The following ZC2HC1B variants were observed in gnomAD, a reference collection of about 807,000 sequenced individuals.
ZC2HC1B encodes zinc finger C2HC domain-containing protein 1B.
Under a neutral mutation model 31.0 loss-of-function variants are expected in ZC2HC1B, and 36 were observed. That is an observed-to-expected ratio of 1.16 (90% confidence interval 0.89 to 1.54). The LOEUF (loss-of-function observed/expected upper bound fraction) is 1.54, where lower values mean the gene tolerates loss of function less well. Ranked by LOEUF, ZC2HC1B falls within the 40% of genes most tolerant of loss-of-function variation. The probability of loss-of-function intolerance (pLI) is 0.00; values close to 1 mark genes in which losing one functional copy is unlikely to be tolerated. For missense variants in ZC2HC1B, 260 were observed against 268.6 expected (o/e 0.97, Z 0.22); for synonymous variants, 73 against 88.0 (o/e 0.83, Z 0.95).
At chr6:143,877,233 C>A (rs1211895634) in intron 1 of ZC2HC1B, among the ~76,000 whole-genome samples, 1 of 139,634 alleles carries the variant, frequency 7.2e-6, no homozygotes, top group Non-Finnish European at 1.5e-5. Context: ...TATCTTTCAA[C>A]TCTCTGTTGA....
intron 5 of ZC2HC1B, among the ~76,000 whole-genome samples, chr6:143,902,580 C>T (rs909759222): frequency 6.6e-6 from 1 of 152,074 alleles, no homozygotes; most frequent in Admixed American, 6.5e-5. Context: ...TGCTGCTCTG[C>T]AGGGAGGGGG....
At position 143,883,521 on chromosome 6, in the gene ZC2HC1B, G is replaced by T. The variant is rs1777494457; in HGVS notation, c.29-783G>T. ...ATGACTGGTCTAATATAAAGTCTATGCTCAGACCTCAAACTGCTTTTTTTA... is the reference window on the plus strand; with the variant it reads ...ATGACTGGTCTAATATAAAGTCTATTCTCAGACCTCAAACTGCTTTTTTTA... On this transcript the variant is annotated intron_variant, in intron 1 of 7. Transcript: ENST00000237275. This position sits in a 1 kb window ranked among gnomAD's most constrained non-coding sequence, Gnocchi z 4.1. Among the ~76,000 whole-genome samples the T allele has an allele frequency of 6.6e-6, 1 of 151,912 alleles. No homozygotes were observed. The highest frequency in any genetic ancestry group is 2.4e-5 in the African/African-American group (1 of 41,218).
In ZC2HC1B at chr6:143,934,133, G is replaced by C. The variant is rs573959849; in HGVS notation, c.599-3516G>C. The stretch of plus-strand genomic sequence containing the variant: ...TTCTCCCGTAATCTGGATTTTTCAG[G>C]TTCCTCAGTGGGGACGTGTGCTTGG... On this transcript the variant is annotated intron_variant, in intron 6 of 7. Coordinates refer to ENST00000237275, the MANE Select transcript of ZC2HC1B (RefSeq NM_001013623.3). This position sits in a 1 kb window ranked among gnomAD's most constrained non-coding sequence, Gnocchi z 4.6. Among the ~76,000 whole-genome samples the C allele has an allele frequency of 6.6e-6, 1 of 152,312 alleles. No individual in the cohort carries two copies. Among genetic ancestry groups the C allele is most frequent in the South Asian group, 2.1e-4 (1 of 4,826 alleles).
In ZC2HC1B at chr6:143,895,156, T is replaced by C. The variant is rs577279465; in HGVS notation, c.350-3396T>C. Among the ~76,000 whole-genome samples the C allele has an allele frequency of 2.6e-5, 4 of 152,120 alleles. No homozygotes were observed. Among genetic ancestry groups the C allele is most frequent in the Non-Finnish European group, 5.9e-5 (4 of 68,024 alleles). ...GCTTAAGTTCTAGAGAATTTATTTG[T>C]TTTTTGTTGTTGTTGTTGTTTTTGA... On this transcript the variant is annotated intron_variant, in intron 4 of 7. Transcript: ENST00000237275. This position sits in a 1 kb window ranked among gnomAD's most constrained non-coding sequence, Gnocchi z 4.8.
At position 143,870,692 on chromosome 6, in the gene ZC2HC1B, G is replaced by T. The variant is rs1777326295; in HGVS notation, c.28+6125G>T. Among the ~76,000 whole-genome samples the T allele has an allele frequency of 6.6e-6, 1 of 152,190 alleles. No individual in the cohort carries two copies. Among genetic ancestry groups the T allele is most frequent in the Non-Finnish European group, 1.5e-5 (1 of 68,036 alleles). On this transcript the variant is annotated intron_variant, in intron 1 of 7. Transcript: ENST00000237275. This position sits in a 1 kb window ranked among gnomAD's most constrained non-coding sequence, Gnocchi z 4.7. ...AAAGCCCAGTAACAGGCCAAGAGCT[G>T]TCTCTCAAAAGAAGAGTAATTATCT...
At position 143,883,064 on chromosome 6, in the gene ZC2HC1B, G is replaced by C. The variant is rs1237452871; in HGVS notation, c.29-1240G>C. Among the ~76,000 whole-genome samples the C allele has an allele frequency of 6.6e-6, 1 of 152,148 alleles. No individual in the cohort carries two copies. The highest frequency in any genetic ancestry group is 1.5e-5 in the Non-Finnish European group (1 of 68,030). ...TTTTTGTGTGTAAGTGGGGGAGACA[G>C]GATCTTGCTCTGTCTCCCAGGCTGG... On this transcript the variant is annotated intron_variant, in intron 1 of 7. Coordinates refer to ENST00000237275, the MANE Select transcript of ZC2HC1B (RefSeq NM_001013623.3). This position sits in a 1 kb window ranked among gnomAD's most constrained non-coding sequence, Gnocchi z 4.1.
rs533351153 is a variant in ZC2HC1B at position 143,883,742 on chromosome 6, C to T, written c.29-562C>T. On this transcript the variant is annotated intron_variant, in intron 1 of 7. Coordinates refer to ENST00000237275, the MANE Select transcript of ZC2HC1B (RefSeq NM_001013623.3). The surrounding 1 kb of genome is among the most constrained non-coding windows in gnomAD (Gnocchi z 4.1). ...TCTGTGCTGGTCCCATGTATGATTT[C>T]TCCCAATATTTCCACAGAATTGCAT... 6.9e-4 allele frequency among the ~76,000 whole-genome samples: 105 copies of T among 152,244 alleles called. No homozygotes were observed. Among genetic ancestry groups the T allele is most frequent in the African/African-American group, 2.4e-3 (100 of 41,544 alleles).
intron 4 of ZC2HC1B, among the ~76,000 whole-genome samples, chr6:143,889,764 G>T (rs1777575520): frequency 6.6e-6 from 1 of 152,070 alleles, no homozygotes; most frequent in South Asian, 2.1e-4. Flanking sequence ...TACACAGCAG[G>T]AAAATCAGTA....
At chr6:143,893,796 C>G (rs1446850220) in intron 4 of ZC2HC1B, among the ~76,000 whole-genome samples, 2 of 152,074 alleles carry the variant, frequency 1.3e-5, no homozygotes, top group Non-Finnish European at 2.9e-5. Flanking sequence ...ACGCCATTCT[C>G]CTGCTTCAGC....
In ZC2HC1B at chr6:143,917,929, G is replaced by A. The variant is rs116105699; in HGVS notation, c.598+14777G>A. 7.7e-3 allele frequency among the ~76,000 whole-genome samples: 1,174 copies of A among 152,196 alleles called. 21 individuals are homozygous for A. The highest frequency in any genetic ancestry group is 0.051 in the East Asian group (264 of 5,188). ...TTTTTTAAAATGTGTTAGTCTCTTC[G>A]ATCATGTAGAAAACAAAAAAGTGGA... On this transcript the variant is annotated intron_variant, in intron 6 of 7. Coordinates refer to ENST00000237275, the MANE Select transcript of ZC2HC1B (RefSeq NM_001013623.3). The surrounding 1 kb of genome is among the most constrained non-coding windows in gnomAD (Gnocchi z 4.1).
At chr6:143,881,899 T>A (rs953983985) in intron 1 of ZC2HC1B, 1 of 152,190 alleles carries the variant, frequency 6.6e-6, no homozygotes, top group Non-Finnish European at 1.5e-5. Flanking sequence ...CTGTCAGTAT[T>A]TTAAATTCAT....
At chr6:143,881,880 C>G (rs1449853655) in intron 1 of ZC2HC1B, 2 of 152,114 alleles carry the variant, frequency 1.3e-5, no homozygotes, top group African/African-American at 4.8e-5. Flanking sequence ...TGAATCATAT[C>G]ATTTGTATCT....
At chr6:143,898,251 A>G (rs1777692612) in intron 4 of ZC2HC1B, among the ~76,000 whole-genome samples, 1 of 152,164 alleles carries the variant, frequency 6.6e-6, no homozygotes, top group Non-Finnish European at 1.5e-5. Context: ...GCATGATCAC[A>G]GCTGACTGCA....
intron 4 of ZC2HC1B, among the ~76,000 whole-genome samples, chr6:143,892,127 T>C (rs1777608712): frequency 6.6e-6 from 1 of 152,174 alleles, no homozygotes; most frequent in South Asian, 2.1e-4. Flanking sequence ...AGGGGGTTTT[T>C]TGGCTCACAG....
chr6:143,886,564 C>T lies in ZC2HC1B; in HGVS notation c.211-119C>T. The T allele has an allele frequency of 9.3e-7, 1 of 1,079,914 alleles. No homozygotes were observed. The highest frequency in any genetic ancestry group is 1.2e-6 in the Non-Finnish European group (1 of 818,620). The allele number at this position is 1,079,914 out of a possible 1,614,324, so 66.9% of individuals were successfully genotyped here. ...AAGGAGTACTTTTGAAAAACAAACT[C>T]TCCTTTTCCCCAATTTTCACAGTTC... On this transcript the variant is annotated intron_variant, in intron 3 of 7. Coordinates refer to ENST00000237275, the MANE Select transcript of ZC2HC1B (RefSeq NM_001013623.3). The surrounding 1 kb of genome is among the most constrained non-coding windows in gnomAD (Gnocchi z 4.2).
At chr6:143,892,906 A>T (rs184176483) in intron 4 of ZC2HC1B, among the ~76,000 whole-genome samples, 6,036 of 152,144 alleles carry the variant, frequency 0.04, 128 homozygotes, top group South Asian at 0.073. Context: ...ATTTTTTTTT[A>T]AAAAAAGGAA....
intron 5 of ZC2HC1B, among the ~76,000 whole-genome samples, chr6:143,901,159 G>A (rs969702707): frequency 6.6e-6 from 1 of 150,554 alleles, no homozygotes; most frequent in African/African-American, 2.4e-5. Flanking sequence ...CTTGACATCT[G>A]AGATAGCATG....
chr6:143,929,105 G>T (rs1215851022), intron 6 of ZC2HC1B, among the ~76,000 whole-genome samples: 2 of 151,896 alleles, frequency 1.3e-5, no homozygotes, highest in Non-Finnish European at 2.9e-5. Flanking sequence ...TGATTGCTCT[G>T]GCTAGGACCT....
rs1777512850 is a variant in ZC2HC1B at position 143,884,940 on chromosome 6, T to A, written c.90+575T>A. Among the ~76,000 whole-genome samples, 1 of 152,198 alleles carries A rather than the reference T, an allele frequency of 6.6e-6. No homozygotes were observed. Among genetic ancestry groups the A allele is most frequent in the African/African-American group, 2.4e-5 (1 of 41,458 alleles). Reference sequence around the variant, plus strand: ...AGCTAACGGCATGTCAAGTCCCCGATTGATGGCTATAAAGTTGAATAAAAG... The same window carrying A: ...AGCTAACGGCATGTCAAGTCCCCGAATGATGGCTATAAAGTTGAATAAAAG... On this transcript the variant is annotated intron_variant, in intron 2 of 7. Coordinates refer to ENST00000237275, the MANE Select transcript of ZC2HC1B (RefSeq NM_001013623.3). This position sits in a 1 kb window ranked among gnomAD's most constrained non-coding sequence, Gnocchi z 5.1.
Sources: allele counts gnomAD v4.1 joint callset (sites outside exome capture counted in the v4.1 genomes callset), GRCh38; gene constraint gnomAD v4.1.1; non-coding constraint Gnocchi (gnomAD v3.1); transcripts MANE v1.5; gene names NCBI Gene and HGNC (gene_info 2026-07-23, HGNC 2026-07-21).